ADGB: variants seen among roughly 807,000 people sequenced by gnomAD.
The protein encoded by ADGB is calpain-7-like protein.
ADGB carries 172 observed loss-of-function variants against 210.5 expected under a neutral mutation model. The observed-to-expected ratio is 0.82, with a 90% CI of 0.72 to 0.93. ADGB has a LOEUF of 0.93. Ranked by LOEUF, ADGB falls within the 40% of genes least tolerant of loss-of-function variation. The probability of loss-of-function intolerance (pLI) is 0.00; values close to 1 mark genes in which losing one functional copy is unlikely to be tolerated. For missense variants in ADGB, 2,025 were observed against 1,964.8 expected, an observed-to-expected ratio of 1.03 and a Z score of -0.58; for synonymous variants, 658 against 662.7, an observed-to-expected ratio of 0.99 and a Z score of 0.11.
rs1776484143 is a variant in ADGB at position 146,701,141 on chromosome 6, A to G, written c.1707+71A>G. 4.8e-6 allele frequency: 7 copies of G among 1,444,558 alleles called. 1 individual carries two copies. In the African/African-American group the frequency reaches 5.7e-5, roughly 12 times the overall value. 89.5% of individuals were successfully genotyped at this position (1,444,558 alleles called of 1,614,324 possible). On this transcript the variant is annotated intron_variant, in intron 13 of 35. Transcript: ENST00000397944. ...GATTTTTTTCCTTACATTGTGAAAC[A>G]TACTATACATACAAAAGAATGTATA...
chr6:146,649,903 A>G (rs1775675772), intron 3 of ADGB, among the ~76,000 whole-genome samples: 1 of 152,210 alleles, frequency 6.6e-6, no homozygotes, highest in Non-Finnish European at 1.5e-5. Context: ...CCAGTTTGGT[A>G]GTATGTTAGA....
chr6:146,747,220 T>C (rs1197740296), intron 26 of ADGB, among the ~76,000 whole-genome samples: 3 of 152,232 alleles, frequency 2.0e-5, no homozygotes, highest in Admixed American at 6.5e-5. Context: ...ATACTTATCT[T>C]CTCTTTTTAA....
At chr6:146,703,532 T>A (rs1400650612) in intron 13 of ADGB, among the ~76,000 whole-genome samples, 1 of 151,860 alleles carries the variant, frequency 6.6e-6, no homozygotes, top group Non-Finnish European at 1.5e-5. Context: ...ATCTAGCCCC[T>A]GGTAACTACC....
intron 1 of ADGB, among the ~76,000 whole-genome samples, chr6:146,623,878 A>G (rs1431879928): frequency 6.6e-6 from 1 of 151,878 alleles, no homozygotes; most frequent in South Asian, 2.1e-4. Flanking sequence ...AATTACATTG[A>G]TTGATTATCA....
At chr6:146,659,872 G>A (rs1157103284) in intron 5 of ADGB, among the ~76,000 whole-genome samples, 2 of 152,124 alleles carry the variant, frequency 1.3e-5, no homozygotes, top group African/African-American at 2.4e-5. Context: ...ATTGCTGATG[G>A]CAGCTTTTCT....
At chr6:146,760,544 G>A (rs1327035166) in intron 27 of ADGB, among the ~76,000 whole-genome samples, 4 of 151,734 alleles carry the variant, frequency 2.6e-5, no homozygotes, top group Non-Finnish European at 5.9e-5. Context: ...TTTTTGATAT[G>A]GTGACTCAAG....
At chr6:146,775,703 ATTC>A (rs1777710997) in intron 29 of ADGB, among the ~76,000 whole-genome samples, 1 of 152,112 alleles carries the variant, frequency 6.6e-6, no homozygotes, top group Non-Finnish European at 1.5e-5. Flanking sequence ...TTATAACACT[ATTC>A]CTTTAACTCT....
intron 15 of ADGB, 79 bp downstream of exon 15, chr6:146,717,148 A>G (rs1307822295): frequency 8.2e-7 from 1 of 1,213,916 alleles, no homozygotes; most frequent in African/African-American, 1.5e-5. Context: ...AAGTCACATT[A>G]AGATTTATTT....
At chr6:146,763,879 A>T in intron 27 of ADGB, 22 bp from the exon 28 acceptor site, 1 of 1,537,274 alleles carries the variant, frequency 6.5e-7, no homozygotes, top group Non-Finnish European at 8.8e-7. Context: ...TTTAACTTTA[A>T]CTTAGTATTT....
chr6:146,791,096 C>T (rs1040424671), intron 33 of ADGB, among the ~76,000 whole-genome samples: 1 of 152,146 alleles, frequency 6.6e-6, no homozygotes, highest in African/African-American at 2.4e-5. Flanking sequence ...ATATTAGCCT[C>T]TTATCCAATG....
chr6:146,712,696 T>C (rs993523351), intron 13 of ADGB, among the ~76,000 whole-genome samples: 2 of 152,148 alleles, frequency 1.3e-5, no homozygotes, highest in African/African-American at 4.8e-5. Flanking sequence ...TGTACTTGAT[T>C]TTTTTCTCAT....
At position 146,801,871 on chromosome 6, in the gene ADGB, C is replaced by G; in HGVS notation, c.4678C>G (p.Gln1560Glu). Residue 1560 changes from glutamine to glutamate, a missense_variant, in exon 35 of 36, where the codon CAG becomes GAG. Coordinates refer to ENST00000397944, the MANE Select transcript of ADGB (RefSeq NM_024694.4). ...DPLLQTDELN[Q>E]QQAMQKAEEI... ...TCTGCTGCAAACAGATGAATTGAAT[C>G]AGCAGCAGGCAATGCAAAAGGCGGA... The G allele has an allele frequency of 6.5e-7, 1 of 1,550,020 alleles. No homozygotes were observed. Among genetic ancestry groups the G allele is most frequent in the Non-Finnish European group, 8.7e-7 (1 of 1,146,198 alleles).
chr6:146,721,424 T>C lies in ADGB; in HGVS notation c.2014T>C (p.Tyr672His), dbSNP rs951057285. 2 of 1,548,872 alleles carry C rather than the reference T, an allele frequency of 1.3e-6. No individual in the cohort carries two copies. The highest frequency in any genetic ancestry group is 1.7e-4 in the Middle Eastern group (1 of 5,988). The change falls in exon 17 of 36, where the codon TAC becomes CAC. Residue 672 changes from tyrosine to histidine, a missense_variant. Physicochemically the swap from Tyr to His is moderately conservative, Grantham distance 83 (BLOSUM62 2). Transcript: ENST00000397944. Reference protein sequence around the residue: ...EFKFSEERVSYYLFVDSLKPI... With the variant: ...EFKFSEERVSHYLFVDSLKPI... ...GCAGTTCTCAGAAGAACGAGTGTCC[T>C]ACTATCTATTTGTAGATAGTCTAAA...
intron 35 of ADGB, among the ~76,000 whole-genome samples, chr6:146,813,769 T>C (rs1354943304): frequency 1.3e-5 from 2 of 152,230 alleles, no homozygotes; most frequent in Non-Finnish European, 2.9e-5. Flanking sequence ...TTGTGGTTTT[T>C]GTGTGTAATA....
intron 35 of ADGB, among the ~76,000 whole-genome samples, chr6:146,811,657 T>C (rs939343841): frequency 1.7e-4 from 26 of 152,106 alleles, no homozygotes; most frequent in African/African-American, 6.3e-4. Context: ...TCTTTACTTT[T>C]CTTGCTGTGT....
At chr6:146,716,798 A>C in intron 14 of ADGB, 85 bp from the exon 15 acceptor site, 1 of 1,301,122 alleles carries the variant, frequency 7.7e-7, no homozygotes, top group Non-Finnish European at 1.0e-6. Flanking sequence ...AGACTTTGAT[A>C]TTTAAGTTTC....
At chr6:146,733,072 G>T in intron 20 of ADGB, 48 bp from the exon 21 acceptor site, 2 of 1,354,736 alleles carry the variant, frequency 1.5e-6, no homozygotes, top group Non-Finnish European at 9.7e-7. Flanking sequence ...AGCTTCTCTG[G>T]CCAGATGATG....
chr6:146,702,249 G>A (rs1714330278), intron 13 of ADGB, among the ~76,000 whole-genome samples: 1 of 151,922 alleles, frequency 6.6e-6, no homozygotes, highest in South Asian at 2.1e-4. Flanking sequence ...AATGGGTGTA[G>A]TAATACCCAC....
rs774565500 is a variant in ADGB at position 146,785,526 on chromosome 6, G to A, written c.4213-84G>A. ...ATTCACATTTTCCTGTTTCGTTTTC[G>A]ATTGAATACCATTAACATGTATTAC... On this transcript the variant is annotated intron_variant, in intron 31 of 35. Transcript: ENST00000397944. 5.6e-5 allele frequency: 57 copies of A among 1,017,478 alleles called. 1 individual carries two copies. In the Admixed American group the frequency reaches 6.5e-4, roughly 12 times the overall value. 63.0% of individuals were successfully genotyped at this position (1,017,478 alleles called of 1,614,324 possible).
Sources: allele counts gnomAD v4.1 joint callset (sites outside exome capture counted in the v4.1 genomes callset), GRCh38; gene constraint gnomAD v4.1.1; transcripts MANE v1.5; gene names NCBI Gene and HGNC (gene_info 2026-07-23, HGNC 2026-07-21).